PPM1H: variants seen among roughly 807,000 people sequenced by gnomAD.
PPM1H encodes the protein protein phosphatase, Mg2+/Mn2+ dependent 1H.
In PPM1H, 27 loss-of-function variants were observed where a neutral mutation model predicts 54.9. The ratio of observed to expected loss-of-function variants is 0.49; its 90% CI spans 0.36 to 0.68. PPM1H has a LOEUF of 0.68. PPM1H is among the 30% of genes least tolerant of loss of function. The pLI, the probability that PPM1H is intolerant of heterozygous loss-of-function variation, is 0.00. For synonymous variants in PPM1H, 305 were observed against 270.8 expected (o/e 1.13, Z -1.24); for missense variants, 596 against 667.8 (o/e 0.89, Z 1.19).
At chr12:62,653,736 G>T (rs536091336) in intron 9 of PPM1H, among the ~76,000 whole-genome samples, 132 of 152,262 alleles carry the variant, frequency 8.7e-4, no homozygotes, top group Middle Eastern at 3.4e-3. Context: ...TTTCTGTAGT[G>T]CTAGAACATG....
chr12:62,773,491 T>G (rs1010035202), intron 4 of PPM1H, among the ~76,000 whole-genome samples: 1 of 151,980 alleles, frequency 6.6e-6, no homozygotes, highest in Non-Finnish European at 1.5e-5. Flanking sequence ...TTTTTTTTAA[T>G]AAAAATTTTT....
chr12:62,798,962 G>T (rs1010855347), intron 3 of PPM1H, among the ~76,000 whole-genome samples: 1 of 151,990 alleles, frequency 6.6e-6, no homozygotes, highest in African/African-American at 2.4e-5. Flanking sequence ...CCCTCTCAAG[G>T]CTCCTCCCAT....
chr12:62,803,358 T>C (rs561185943), intron 2 of PPM1H, among the ~76,000 whole-genome samples: 4 of 152,306 alleles, frequency 2.6e-5, no homozygotes, highest in Middle Eastern at 3.4e-3. Context: ...AATTATGACA[T>C]AGCTGATAGA....
intron 4 of PPM1H, among the ~76,000 whole-genome samples, chr12:62,774,527 AGATGG>A: frequency 6.6e-6 from 1 of 152,228 alleles, no homozygotes; most frequent in East Asian, 1.9e-4. Context: ...TTTTTGGTAG[AGATGG>A]GATCTCATCA....
chr12:62,854,868 T>G (rs1262091157), intron 1 of PPM1H, among the ~76,000 whole-genome samples: 2 of 152,136 alleles, frequency 1.3e-5, no homozygotes, highest in Non-Finnish European at 2.9e-5. Flanking sequence ...ATGTTTGTTT[T>G]GGGAAAGAAG....
intron 5 of PPM1H, among the ~76,000 whole-genome samples, chr12:62,733,377 C>T (rs1469174231): frequency 6.6e-6 from 1 of 152,178 alleles, no homozygotes; most frequent in Non-Finnish European, 1.5e-5. Flanking sequence ...GCCTCAGCCT[C>T]TTGAGTAGCA....
chr12:62,931,338 C>A (rs1872125962), intron 1 of PPM1H, among the ~76,000 whole-genome samples: 1 of 152,170 alleles, frequency 6.6e-6, no homozygotes, highest in Admixed American at 6.5e-5. Context: ...ACAAAGAGAA[C>A]AGAATTTCTT....
chr12:62,876,975 C>T (rs1474443471), intron 1 of PPM1H, among the ~76,000 whole-genome samples: 3 of 152,184 alleles, frequency 2.0e-5, no homozygotes, highest in Non-Finnish European at 4.4e-5. Flanking sequence ...TCGGCACTTG[C>T]GCCCATCTTA....
Position 62,647,245 on chromosome 12 carries a change from G to A in PPM1H, c.*1244C>T, listed in dbSNP as rs987027472. The A allele has an allele frequency of 4.6e-5, 7 of 152,236 alleles. No individual in the cohort carries two copies. The highest frequency in any genetic ancestry group is 1.7e-4 in the African/African-American group (7 of 41,462). 9.4% of individuals were successfully genotyped at this position (152,236 alleles called of 1,614,324 possible). On this transcript the variant is annotated 3_prime_UTR_variant, in exon 10 of 10. Coordinates refer to ENST00000228705, the MANE Select transcript of PPM1H (RefSeq NM_020700.2). ...TGAGGAGCTGGGACATGATTCTTTA[G>A]AGAAGAGAAGAGACAGGGAGCACAG...
At chr12:62,762,358 C>G (rs2076514359) in intron 4 of PPM1H, among the ~76,000 whole-genome samples, 1 of 152,188 alleles carries the variant, frequency 6.6e-6, no homozygotes, top group South Asian at 2.1e-4. Flanking sequence ...CTCCAGATAG[C>G]CAAGGAGCAG....
chr12:62,731,761 C>T (rs1032758667), intron 5 of PPM1H, among the ~76,000 whole-genome samples: 23 of 152,072 alleles, frequency 1.5e-4, no homozygotes, highest in East Asian at 1.9e-4. Context: ...ATGATGACAC[C>T]GGCACGACTT....
chr12:62,906,654 T>C (rs1029171509), intron 1 of PPM1H, among the ~76,000 whole-genome samples: 1 of 152,220 alleles, frequency 6.6e-6, no homozygotes, highest in African/African-American at 2.4e-5. Context: ...AAAAGACTAT[T>C]CAGAAGCACA....
At chr12:62,842,503 CAT>C (rs1185107842) in intron 1 of PPM1H, among the ~76,000 whole-genome samples, 2 of 152,122 alleles carry the variant, frequency 1.3e-5, no homozygotes, top group Admixed American at 1.3e-4. Context: ...TCAGATAAAA[CAT>C]ATACATTTTT....
chr12:62,870,498 G>A (rs1263419570), intron 1 of PPM1H, among the ~76,000 whole-genome samples: 30 of 152,142 alleles, frequency 2.0e-4, no homozygotes, highest in Admixed American at 1.6e-3. Context: ...TGGTGACAGC[G>A]GAAATGGGTG....
At chr12:62,656,897 C>T (rs1048348788) in intron 9 of PPM1H, among the ~76,000 whole-genome samples, 4 of 151,886 alleles carry the variant, frequency 2.6e-5, no homozygotes, top group Non-Finnish European at 4.4e-5. Flanking sequence ...CTTTGTTGTG[C>T]CCAGAACTAG....
chr12:62,837,227 C>A (rs1868528568), intron 1 of PPM1H, among the ~76,000 whole-genome samples: 1 of 152,222 alleles, frequency 6.6e-6, no homozygotes, highest in African/African-American at 2.4e-5. Context: ...TCTGCCTTCT[C>A]ACCTTATAAA....
Position 62,844,554 on chromosome 12 carries a change from C to A in PPM1H, c.246-12275G>T, listed in dbSNP as rs914886370. On this transcript the variant is annotated intron_variant, in intron 1 of 9. Coordinates refer to ENST00000228705, the MANE Select transcript of PPM1H (RefSeq NM_020700.2). This position sits in a 1 kb window ranked among gnomAD's most constrained non-coding sequence, Gnocchi z 5.2. ...ATTTAATTTCACACTTTGAAGGAGA[C>A]AAATGCGCTGAATGTAAGCGATTTT... 1.3e-5 allele frequency among the ~76,000 whole-genome samples: 2 copies of A among 152,214 alleles called. No homozygotes were observed. Among genetic ancestry groups the A allele is most frequent in the African/African-American group, 4.8e-5 (2 of 41,442 alleles).
intron 8 of PPM1H, among the ~76,000 whole-genome samples, chr12:62,680,292 A>T (rs1465029096): frequency 2.0e-4 from 20 of 100,980 alleles, no homozygotes; most frequent in African/African-American, 3.2e-4. Context: ...TCCTTCCTTT[A>T]CTTCCTTCCT....
At chr12:62,785,938 C>G (rs1398948850) in intron 4 of PPM1H, among the ~76,000 whole-genome samples, 1 of 151,920 alleles carries the variant, frequency 6.6e-6, no homozygotes, top group Non-Finnish European at 1.5e-5. Context: ...TAAAGGTATT[C>G]CAGCCGGGAA....
Sources: gnomAD v4.1 joint callset for allele counts (sites outside exome capture counted in the v4.1 genomes callset) on GRCh38, gnomAD v4.1.1 for gene constraint, Gnocchi (gnomAD v3.1) non-coding constraint, MANE v1.5 for transcripts, NCBI Gene and HGNC (gene_info 2026-07-23, HGNC 2026-07-21) for gene names.